ARHGEF10: variants seen among roughly 807,000 people sequenced by gnomAD.
The protein encoded by ARHGEF10 is Rho guanine nucleotide exchange factor 10.
Under a neutral mutation model 147.4 loss-of-function variants are expected in ARHGEF10, and 140 were observed. That is an observed-to-expected ratio of 0.95 (90% CI 0.83 to 1.09). The LOEUF is 1.09. Ranked by LOEUF, ARHGEF10 falls within the 50% of genes least tolerant of loss-of-function variation. The pLI, the probability that ARHGEF10 is intolerant of heterozygous loss-of-function variation, is 0.00. For synonymous variants in ARHGEF10, 902 were observed against 695.8 expected, an observed-to-expected ratio of 1.30 and a Z score of -4.67; for missense variants, 2,222 against 1,752.7, an observed-to-expected ratio of 1.27 and a Z score of -4.78.
At chr8:1,853,141 G>A (rs913839012) in intron 2 of ARHGEF10, among the ~76,000 whole-genome samples, 6 of 152,202 alleles carry the variant, frequency 3.9e-5, no homozygotes, top group African/African-American at 1.2e-4. Context: ...CTGCACTGCC[G>A]TCTGTGTTTC....
At chr8:1,880,345 C>G (rs1808081919) in intron 9 of ARHGEF10, among the ~76,000 whole-genome samples, 181 bp downstream of exon 9, 1 of 152,218 alleles carries the variant, frequency 6.6e-6, no homozygotes, top group Admixed American at 6.5e-5. Context: ...CTTTCACTGT[C>G]TCCCTCTTAC....
intron 18 of ARHGEF10, among the ~76,000 whole-genome samples, chr8:1,913,772 G>A (rs1289871449): frequency 1.3e-5 from 2 of 152,250 alleles, no homozygotes; most frequent in Non-Finnish European, 2.9e-5. Flanking sequence ...CCGGAAGCGT[G>A]TCCTGAGTGC....
At chr8:1,863,368 G>A (rs538067297) in intron 4 of ARHGEF10, among the ~76,000 whole-genome samples, 2 of 152,242 alleles carry the variant, frequency 1.3e-5, no homozygotes, top group Non-Finnish European at 2.9e-5. Flanking sequence ...AGACCTCCAA[G>A]CAGGTTACAT....
At position 1,948,864 on chromosome 8, in the gene ARHGEF10, G is replaced by T. The variant is rs912081707; in HGVS notation, c.3397+3209G>T. Among the ~76,000 whole-genome samples, 1 of 152,218 alleles carries T rather than the reference G, an allele frequency of 6.6e-6. No individual in the cohort carries two copies. The highest frequency in any genetic ancestry group is 2.4e-5 in the African/African-American group (1 of 41,468). On this transcript the variant is annotated intron_variant, in intron 27 of 28. Transcript: ENST00000349830. The surrounding 1 kb of genome is among the most constrained non-coding windows in gnomAD (Gnocchi z 4.9). ...TACCGTGCTGAAGTGCGCGGATGCT[G>T]AGGTCGCCGGGCCGTCACTGCTCCT...
chr8:1,945,710 G>T (rs902239587), intron 27 of ARHGEF10, 55 bp downstream of exon 27: 23 of 1,608,816 alleles, frequency 1.4e-5, no homozygotes, highest in Non-Finnish European at 1.6e-5. Flanking sequence ...ACGGACGTGG[G>T]GGGTGCGGAG....
intron 7 of ARHGEF10, among the ~76,000 whole-genome samples, chr8:1,872,932 C>G (rs895246748): frequency 6.6e-6 from 1 of 152,090 alleles, no homozygotes; most frequent in East Asian, 1.9e-4. Context: ...AAGTGAGGAC[C>G]AAAGGTTAGT....
At chr8:1,926,938 G>C (rs760695346) in intron 23 of ARHGEF10, 15 of 264,340 alleles carry the variant, frequency 5.7e-5, no homozygotes, top group Non-Finnish European at 7.3e-6. Flanking sequence ...AAGCTGTGTG[G>C]TCCCAGGCTC....
chr8:1,832,875 CAG>C (rs1184548973), intron 1 of ARHGEF10, among the ~76,000 whole-genome samples: 4 of 72,104 alleles, frequency 5.5e-5, no homozygotes, highest in Admixed American at 1.4e-4. Context: ...GAGGCAGAGA[CAG>C]AGAGACAGAG....
At chr8:1,824,349 G>C (rs1802605442) in intron 1 of ARHGEF10, among the ~76,000 whole-genome samples, 1 of 151,986 alleles carries the variant, frequency 6.6e-6, no homozygotes, top group Non-Finnish European at 1.5e-5. Flanking sequence ...GGCGGGGGGA[G>C]CAGGGACTGG....
chr8:1,843,541 G>T, intron 2 of ARHGEF10, 105 bp downstream of exon 2: 1 of 870,240 alleles, frequency 1.1e-6, no homozygotes, highest in Admixed American at 2.0e-5. Context: ...TGGGGTATGG[G>T]GTGGAGTGAG....
At position 1,876,467 on chromosome 8, in the gene ARHGEF10, T is replaced by C. The variant is rs544012407; in HGVS notation, c.680-104T>C. 7.0e-4 allele frequency: 862 copies of C among 1,227,120 alleles called. 14 individuals carry two copies. In the South Asian group the frequency reaches 0.01, roughly 15 times the overall value. The allele number at this position is 1,227,120 out of a possible 1,614,324, so 76.0% of individuals were successfully genotyped here. ...GGTCCTCAGCATGATTCAGATTTCC[T>C]TCCACCCCCAGCTCTAGATGATTTG... is the stretch of plus-strand genomic sequence containing the variant. On this transcript the variant is annotated intron_variant, in intron 7 of 28. Coordinates refer to ENST00000349830, the MANE Select transcript of ARHGEF10 (RefSeq NM_014629.4).
chr8:1,921,909 G>T (rs1052076869), intron 18 of ARHGEF10, among the ~76,000 whole-genome samples: 2 of 151,988 alleles, frequency 1.3e-5, no homozygotes. Flanking sequence ...TCTTCTCCTT[G>T]GGTTTGAATT....
chr8:1,900,234 G>A (rs977941456), intron 15 of ARHGEF10, among the ~76,000 whole-genome samples: 9 of 152,156 alleles, frequency 5.9e-5, no homozygotes, highest in Admixed American at 2.0e-4. Flanking sequence ...TAGACAGAAG[G>A]GGTGGGCGGG....
chr8:1,876,466 C>G, intron 7 of ARHGEF10, 105 bp from the exon 8 acceptor site: 1 of 1,218,878 alleles, frequency 8.2e-7, no homozygotes, highest in South Asian at 1.2e-5. Context: ...TTCAGATTTC[C>G]TTCCACCCCC....
chr8:1,872,397 G>T (rs1372460899), intron 7 of ARHGEF10, among the ~76,000 whole-genome samples: 1 of 152,210 alleles, frequency 6.6e-6, no homozygotes, highest in Admixed American at 6.5e-5. Flanking sequence ...AAGCAAGGAT[G>T]AGGTGAGAAT....
intron 26 of ARHGEF10, among the ~76,000 whole-genome samples, chr8:1,938,227 G>C (rs1813781487): frequency 6.6e-6 from 1 of 152,192 alleles, no homozygotes; most frequent in Non-Finnish European, 1.5e-5. Context: ...AAATCTCATA[G>C]TGTTAGGAAC....
chr8:1,943,885 ACT>A (rs1450411445), intron 26 of ARHGEF10: 2 of 151,506 alleles, frequency 1.3e-5, no homozygotes, highest in Non-Finnish European at 2.9e-5. Context: ...TACACGGCTG[ACT>A]CTAGAATGGG....
intron 6 of ARHGEF10, among the ~76,000 whole-genome samples, chr8:1,866,889 G>C (rs538875375): frequency 7.2e-5 from 11 of 152,108 alleles, no homozygotes; most frequent in Non-Finnish European, 1.2e-4. Flanking sequence ...GAGATATGTG[G>C]GTAACAGAAA....
At chr8:1,870,592 A>C (rs1166809221) in intron 7 of ARHGEF10, 1 of 152,232 alleles carries the variant, frequency 6.6e-6, no homozygotes, top group Non-Finnish European at 1.5e-5. Flanking sequence ...AATTCTAACC[A>C]AAGTATTGTC....
Sources: allele counts gnomAD v4.1 joint callset (sites outside exome capture counted in the v4.1 genomes callset), GRCh38; gene constraint gnomAD v4.1.1; non-coding constraint Gnocchi (gnomAD v3.1); transcripts MANE v1.5; gene names NCBI Gene and HGNC (gene_info 2026-07-23, HGNC 2026-07-21).